SUGCT: variants seen among roughly 807,000 people sequenced by gnomAD.
SUGCT encodes succinyl-CoA:glutarate CoA-transferase.
Under a neutral mutation model 55.0 loss-of-function variants are expected in SUGCT, and 41 were observed. The observed-to-expected ratio is 0.74, with a 90% CI of 0.58 to 0.97. The LOEUF (loss-of-function observed/expected upper bound fraction) is 0.97. Ranked by LOEUF, SUGCT falls within the 50% of genes least tolerant of loss-of-function variation. The probability of loss-of-function intolerance (pLI) is 0.00; values close to 1 mark genes in which losing one functional copy is unlikely to be tolerated. For synonymous variants in SUGCT, 187 were observed against 200.4 expected (o/e 0.93, Z 0.56); for missense variants, 568 against 547.8 (o/e 1.04, Z -0.37).
chr7:40,469,527 A>AAAAG (rs1199767005), intron 11 of SUGCT, among the ~76,000 whole-genome samples: 6 of 152,202 alleles, frequency 3.9e-5, no homozygotes, highest in Non-Finnish European at 5.9e-5. Context: ...CCCGGAGGGT[A>AAAAG]AAAGAAAGAA....
chr7:40,790,719 AAAT>A (rs1173074777), intron 13 of SUGCT, among the ~76,000 whole-genome samples: 10 of 152,244 alleles, frequency 6.6e-5, no homozygotes, highest in African/African-American at 2.4e-4. Flanking sequence ...AACCTTGAGA[AAAT>A]AAACATTTGA....
At chr7:40,758,789 A>G (rs1407672769) in intron 13 of SUGCT, among the ~76,000 whole-genome samples, 2 of 152,046 alleles carry the variant, frequency 1.3e-5, no homozygotes, top group Non-Finnish European at 2.9e-5. Context: ...GGACCTTGAA[A>G]TGCTTCCCTA....
chr7:40,937,550 C>CT, the SUGCT span, among the ~76,000 whole-genome samples: 1 of 152,112 alleles, frequency 6.6e-6, no homozygotes, highest in Non-Finnish European at 1.5e-5. Flanking sequence ...AATTCTGTCA[C>CT]TTTTTGTTTC....
At chr7:40,488,964 G>A (rs1023719820) in intron 11 of SUGCT, among the ~76,000 whole-genome samples, 1 of 152,224 alleles carries the variant, frequency 6.6e-6, no homozygotes, top group Non-Finnish European at 1.5e-5. Context: ...GATGAAATCT[G>A]TTTGGAGATC....
chr7:40,143,695 G>C (rs1788102770), intron 1 of SUGCT, among the ~76,000 whole-genome samples: 1 of 152,324 alleles, frequency 6.6e-6, no homozygotes, highest in Admixed American at 6.5e-5. Flanking sequence ...TAGCTATCTT[G>C]GTCTTGTCGT....
At chr7:40,661,638 A>G (rs1240136676) in intron 12 of SUGCT, among the ~76,000 whole-genome samples, 6 of 152,028 alleles carry the variant, frequency 3.9e-5, no homozygotes, top group Non-Finnish European at 7.4e-5. Context: ...CTACAACTCT[A>G]CTAAAAGCTT....
chr7:40,692,833 CA>C (rs71560199), intron 12 of SUGCT, among the ~76,000 whole-genome samples: 30,475 of 152,060 alleles, frequency 0.2, 3,167 homozygotes, highest in Non-Finnish European at 0.23. Flanking sequence ...ATGAGACACA[CA>C]GTTGTGATGA....
intron 12 of SUGCT, among the ~76,000 whole-genome samples, chr7:40,681,922 A>G (rs1784263082): frequency 6.6e-6 from 1 of 152,112 alleles, no homozygotes. Flanking sequence ...CAGTTTTTCG[A>G]GTAGGCAGAT....
At chr7:40,161,572 G>A (rs1170835274) in intron 1 of SUGCT, among the ~76,000 whole-genome samples, 1 of 152,170 alleles carries the variant, frequency 6.6e-6, no homozygotes, top group African/African-American at 2.4e-5. Flanking sequence ...TTTCTTGTTT[G>A]CACTAAAGTC....
At chr7:41,006,997 G>A in the SUGCT span, among the ~76,000 whole-genome samples, 1 of 152,100 alleles carries the variant, frequency 6.6e-6, no homozygotes, top group African/African-American at 2.4e-5. Context: ...TTGTTAGTTG[G>A]TTATGAAGCT....
intron 9 of SUGCT, among the ~76,000 whole-genome samples, chr7:40,411,165 G>T (rs1383321222): frequency 6.6e-6 from 1 of 152,140 alleles, no homozygotes; most frequent in Admixed American, 6.5e-5. Context: ...GGCTGAGGTG[G>T]GAGGATCACT....
chr7:40,858,187 T>G (rs980557456), intron 13 of SUGCT, among the ~76,000 whole-genome samples: 2 of 151,896 alleles, frequency 1.3e-5, no homozygotes, highest in African/African-American at 4.8e-5. Flanking sequence ...TCACAAGTTC[T>G]TAAGAAATGG....
At position 40,135,070 on chromosome 7, in the gene SUGCT, T is replaced by C; in HGVS notation, c.50T>C (p.Phe17Ser). 2 of 1,559,324 alleles carry C rather than the reference T, an allele frequency of 1.3e-6. No individual in the cohort carries two copies. The highest frequency in any genetic ancestry group is 1.7e-6 in the Non-Finnish European group (2 of 1,153,228). Residue 17 changes from phenylalanine to serine, a missense_variant, in exon 1 of 14, where the codon TTC (phenylalanine) becomes TCC (serine). Coordinates refer to ENST00000335693, the MANE Select transcript of SUGCT (RefSeq NM_001193313.2). ...GCAGCTCTGCGCAGAACCTGCCTCT[T>C]CTCCGGCCGGGGCGGCGGGAGGGGG... Reference protein sequence around the residue: ...RVAALRRTCLFSGRGGGRGLW... With the variant: ...RVAALRRTCLSSGRGGGRGLW...
intron 9 of SUGCT, among the ~76,000 whole-genome samples, chr7:40,317,681 A>G (rs939057886): frequency 1.3e-5 from 2 of 152,206 alleles, no homozygotes; most frequent in African/African-American, 4.8e-5. Context: ...AGAAAACAAA[A>G]AAGTCAGCAT....
chr7:40,467,204 GAAAAA>G (rs762283927), intron 11 of SUGCT, among the ~76,000 whole-genome samples: 1 of 83,624 alleles, frequency 1.2e-5, no homozygotes, highest in African/African-American at 4.3e-5. Flanking sequence ...CTAAGAAAAA[GAAAAA>G]AAAAAAAAAA....
chr7:40,860,934 A>G (rs1227636545), downstream of SUGCT, among the ~76,000 whole-genome samples: 8 of 152,170 alleles, frequency 5.3e-5, no homozygotes, highest in East Asian at 1.6e-3. Context: ...AGTCAAAGCA[A>G]TAAGCAGAAT....
intron 11 of SUGCT, among the ~76,000 whole-genome samples, chr7:40,489,091 A>G (rs1416695424): frequency 6.6e-6 from 1 of 152,010 alleles, no homozygotes; most frequent in Non-Finnish European, 1.5e-5. Flanking sequence ...TTGAATGCCA[A>G]CAACTGCTCT....
At chr7:40,961,439 G>T in the SUGCT span, among the ~76,000 whole-genome samples, 3 of 152,142 alleles carry the variant, frequency 2.0e-5, no homozygotes, top group Admixed American at 6.5e-5. Context: ...CTTCTCTTTT[G>T]TGATCAATCA....
intron 9 of SUGCT, among the ~76,000 whole-genome samples, chr7:40,393,037 A>T (rs374533574): frequency 7.2e-5 from 11 of 152,208 alleles, no homozygotes; most frequent in African/African-American, 2.4e-4. Context: ...GGTGATAGTC[A>T]ACAGAAATTG....
Sources: gnomAD v4.1 joint callset for allele counts (sites outside exome capture counted in the v4.1 genomes callset) on GRCh38, gnomAD v4.1.1 for gene constraint, MANE v1.5 for transcripts, NCBI Gene and HGNC (gene_info 2026-07-23, HGNC 2026-07-21) for gene names.